The following PHYHD1 variants were observed in gnomAD, a reference collection of about 807,000 sequenced individuals.
The protein encoded by PHYHD1 is phytanoyl-CoA dioxygenase domain containing 1.
Under a neutral mutation model 43.6 loss-of-function variants are expected in PHYHD1, and 42 were observed. The ratio of observed to expected loss-of-function variants is 0.96; its 90% CI spans 0.75 to 1.25. The LOEUF is 1.25. Ranked by LOEUF, PHYHD1 falls within the 50% of genes most tolerant of loss-of-function variation. PHYHD1 has a pLI of 0.00. For missense variants in PHYHD1, 342 were observed against 370.8 expected (o/e 0.92, Z 0.64); for synonymous variants, 139 against 143.6 (o/e 0.97, Z 0.23).
chr9:128,928,262 G>A (rs1841187386), intron 4 of PHYHD1, among the ~76,000 whole-genome samples: 1 of 152,218 alleles, frequency 6.6e-6, no homozygotes, highest in Admixed American at 6.5e-5. Flanking sequence ...CATTCGGGGG[G>A]ATACTGGGGG....
chr9:128,926,824 A>G lies in PHYHD1; in HGVS notation c.34-214A>G, dbSNP rs764324355. On this transcript the variant is annotated intron_variant, in intron 3 of 12. Coordinates refer to ENST00000372592, the MANE Select transcript of PHYHD1 (RefSeq NM_001100876.2). ...CTCTCAAAGTGCTGGGATTAGAGGC[A>G]TGAGCCACTGCACCCGGCCTCACTA... is the stretch of plus-strand genomic sequence containing the variant. 19 of 671,192 alleles carry G rather than the reference A, an allele frequency of 2.8e-5. No individual in the cohort carries two copies. In the African/African-American group the frequency reaches 3.0e-4, roughly 11 times the overall value. The allele number at this position is 671,192 out of a possible 1,614,324, so 41.6% of individuals were successfully genotyped here. A position where few individuals can be genotyped will look rare whatever the true frequency, so the allele number is the denominator to read the frequency against.
At chr9:128,923,892 C>T (rs745972784) in intron 3 of PHYHD1, among the ~76,000 whole-genome samples, 3 of 152,072 alleles carry the variant, frequency 2.0e-5, no homozygotes, top group East Asian at 1.9e-4. Flanking sequence ...CCAAGGCAGG[C>T]GGATCACCTG....
intron 3 of PHYHD1, 56 bp from the exon 4 acceptor site, chr9:128,926,982 G>A (rs1841152882): frequency 1.2e-6 from 2 of 1,612,288 alleles, no homozygotes; most frequent in South Asian, 2.2e-5. Context: ...TTGAGGGAAG[G>A]GTCAGACAGG....
intron 4 of PHYHD1, among the ~76,000 whole-genome samples, chr9:128,931,821 C>G (rs888899543): frequency 2.0e-5 from 3 of 150,342 alleles, no homozygotes; most frequent in Admixed American, 6.7e-5. Context: ...GCCACCTCGC[C>G]CGGCCTTTCT....
chr9:128,930,209 G>A (rs886862354), intron 4 of PHYHD1, among the ~76,000 whole-genome samples: 4 of 151,232 alleles, frequency 2.6e-5, no homozygotes, highest in African/African-American at 9.7e-5. Flanking sequence ...GAACCCAGGA[G>A]ATGGAGGTTG....
chr9:128,932,820 CTTATTTAT>C (rs36079303), intron 4 of PHYHD1, among the ~76,000 whole-genome samples: 39,230 of 141,586 alleles, frequency 0.28, 5,931 homozygotes, highest in Admixed American at 0.36. Flanking sequence ...ATTATTATTC[CTTATTTAT>C]TTATTTATTT....
Position 128,936,665 on chromosome 9 carries a change from C to T in PHYHD1, c.435+20C>T, listed in dbSNP as rs548252961. The T allele has an allele frequency of 4.5e-6, 7 of 1,551,082 alleles. No homozygotes were observed. Among genetic ancestry groups the T allele is most frequent in the South Asian group, 1.2e-5 (1 of 84,074 alleles). On this transcript the variant is annotated intron_variant, in intron 8 of 12. Coordinates refer to ENST00000372592, the MANE Select transcript of PHYHD1 (RefSeq NM_001100876.2). ...TTTAAGGTGAGCTCCTTGTCCTTGC[C>T]TCAGTTTACCATCTGTAAAATGGGC...
rs376779449 is a variant in PHYHD1, at chr9:128,932,163, ATTATTG to A, written c.193-1613_193-1608del. Among the ~76,000 whole-genome samples, 373 of 124,958 alleles carry A rather than the reference ATTATTG, an allele frequency of 3.0e-3. 6 individuals carry two copies. The highest frequency in any genetic ancestry group is 4.2e-3 in the Middle Eastern group (1 of 240). 82.0% of individuals were successfully genotyped at this position (124,958 alleles called of 152,430 possible). ...GGAAGTCAGTTCTATTATTATTATT[ATTATTG>A]TTATTATTATTATTATTTTTTTTTT... On this transcript the variant is annotated intron_variant, in intron 4 of 12. Transcript: ENST00000372592.
At chr9:128,932,178 A>AT (rs200138931) in intron 4 of PHYHD1, among the ~76,000 whole-genome samples, 7,038 of 107,050 alleles carry the variant, frequency 0.066, 389 homozygotes, top group Middle Eastern at 0.088. Context: ...TGTTATTATT[A>AT]TTATTATTTT....
chr9:128,925,876 G>A (rs1043751235), intron 3 of PHYHD1, among the ~76,000 whole-genome samples: 8 of 152,098 alleles, frequency 5.3e-5, no homozygotes, highest in African/African-American at 1.9e-4. Context: ...GTCCCCTCTT[G>A]AAATGTCACT....
At position 128,938,358 on chromosome 9, in the gene PHYHD1, A is replaced by G. The variant is rs1841476848; in HGVS notation, c.457+580A>G. ...ACCAAACCAAGCAAACAAAAAAAAC[A>G]GATTCCTGGGCCCTAGTCCCTGAGA... On this transcript the variant is annotated intron_variant, in intron 9 of 12. Transcript: ENST00000372592. Among the ~76,000 whole-genome samples the G allele has an allele frequency of 1.3e-5, 2 of 151,946 alleles. 1 individual carries two copies. The highest frequency in any genetic ancestry group is 4.1e-4 in the South Asian group (2 of 4,826).
chr9:128,926,503 G>A (rs1564538491), intron 3 of PHYHD1, among the ~76,000 whole-genome samples: 1 of 151,472 alleles, frequency 6.6e-6, no homozygotes, highest in African/African-American at 2.4e-5. Context: ...TCCTCCCAAA[G>A]TGCTGGGATT....
intron 4 of PHYHD1, among the ~76,000 whole-genome samples, chr9:128,929,159 C>A (rs1841210092): frequency 6.6e-6 from 1 of 151,940 alleles, no homozygotes; most frequent in South Asian, 2.1e-4. Flanking sequence ...TGAGACCTGT[C>A]TCTACAAAAA....
chr9:128,941,194 G>T (rs962515031), intron 11 of PHYHD1, among the ~76,000 whole-genome samples: 1 of 152,154 alleles, frequency 6.6e-6, no homozygotes, highest in Non-Finnish European at 1.5e-5. Context: ...CCTCGGGAGG[G>T]GAGGCCCTTC....
rs547878205 is a variant in PHYHD1, at chr9:128,928,986, C to T, written c.192+1790C>T. ...GGTCAGTACCACTCTGTTCCAATCA[C>T]GTTACCATGAACTGGGTCCTGGGGA... On this transcript the variant is annotated intron_variant, in intron 4 of 12. Transcript: ENST00000372592. Among the ~76,000 whole-genome samples the T allele has an allele frequency of 3.3e-4, 50 of 152,274 alleles. No homozygotes were observed. In the South Asian group the frequency reaches 7.5e-3, roughly 23 times the overall value.
intron 3 of PHYHD1, among the ~76,000 whole-genome samples, chr9:128,922,854 G>A (rs889156877): frequency 1.3e-4 from 19 of 151,960 alleles, no homozygotes; most frequent in Middle Eastern, 6.8e-3. Flanking sequence ...CAGCTACCAC[G>A]AATCAAGTGC....
At chr9:128,932,165 TA>T (rs1841299617) in intron 4 of PHYHD1, among the ~76,000 whole-genome samples, 45 of 124,920 alleles carry the variant, frequency 3.6e-4, no homozygotes, top group African/African-American at 1.3e-3. Context: ...TTATTATTAT[TA>T]TTGTTATTAT....
chr9:128,937,583 T>C (rs187847412), intron 8 of PHYHD1, among the ~76,000 whole-genome samples, 174 bp from the exon 9 acceptor site: 6 of 152,296 alleles, frequency 3.9e-5, no homozygotes, highest in East Asian at 3.9e-4. Flanking sequence ...GGGGGTTTTC[T>C]CTTTGCATCC....
chr9:128,932,172 A>ATTTTTTTTTTTTTTTT (rs1367583651), intron 4 of PHYHD1, among the ~76,000 whole-genome samples: 3 of 104,232 alleles, frequency 2.9e-5, no homozygotes, highest in East Asian at 2.5e-4. Flanking sequence ...TATTATTGTT[A>ATTTTTTTTTTTTTTTT]TTATTATTAT....
Sources: gnomAD v4.1 joint callset for allele counts (sites outside exome capture counted in the v4.1 genomes callset) on GRCh38, gnomAD v4.1.1 for gene constraint, MANE v1.5 for transcripts, NCBI Gene and HGNC (gene_info 2026-07-23, HGNC 2026-07-21) for gene names.